TRIM11: variants seen among roughly 807,000 people sequenced by gnomAD.
The protein encoded by TRIM11 is tripartite motif containing 11, also known as E3 ubiquitin-protein ligase TRIM11.
In TRIM11, 15 loss-of-function variants were observed where a neutral mutation model predicts 33.4. The ratio of observed to expected loss-of-function variants is 0.45; its 90% CI spans 0.30 to 0.69. The LOEUF is 0.69. Among genes scored for constraint, TRIM11 ranks in the 30% least tolerant of loss-of-function variants. The probability of loss-of-function intolerance (pLI) is 0.08; values close to 1 mark genes in which losing one functional copy is unlikely to be tolerated. For synonymous variants in TRIM11, 281 were observed against 302.6 expected, an observed-to-expected ratio of 0.93 and a Z score of 0.74; for missense variants, 499 against 667.6, an observed-to-expected ratio of 0.75 and a Z score of 2.78.
intron 3 of TRIM11, among the ~76,000 whole-genome samples, chr1:228,398,962 T>C (rs1057204864): frequency 2.6e-5 from 4 of 151,992 alleles, no homozygotes; most frequent in African/African-American, 4.8e-5. Flanking sequence ...AGGGGCAGCA[T>C]TGACTTGAAC....
chr1:228,405,185 G>T (rs1656359325), intron 1 of TRIM11: 1 of 152,268 alleles, frequency 6.6e-6, no homozygotes, highest in Non-Finnish European at 1.5e-5. Flanking sequence ...ATCTGTGTCT[G>T]AACAAGCCCA....
In TRIM11 at chr1:228,400,811, A is replaced by G. The variant is rs1656182464; in HGVS notation, c.735+153T>C. ...TGTCCTGCTGCTGACTCAGCATTTCACAGGCAACAGCCAGGCACATCCAGC... is the reference window on the plus strand; with the variant it reads ...TGTCCTGCTGCTGACTCAGCATTTCGCAGGCAACAGCCAGGCACATCCAGC... On this transcript the variant is annotated intron_variant, in intron 3 of 5. Transcript: ENST00000284551. This position sits in a 1 kb window ranked among gnomAD's most constrained non-coding sequence, Gnocchi z 4.5. 6.6e-6 allele frequency among the ~76,000 whole-genome samples: 1 copy of G among 152,152 alleles called. No homozygotes were observed. Among genetic ancestry groups the G allele is most frequent in the Non-Finnish European group, 1.5e-5 (1 of 68,006 alleles).
In TRIM11 at chr1:228,400,815, G is replaced by C; in HGVS notation, c.735+149C>G. Reference sequence around the variant, plus strand: ...CTGCTGCTGACTCAGCATTTCACAGGCAACAGCCAGGCACATCCAGCCATG... The same window carrying C: ...CTGCTGCTGACTCAGCATTTCACAGCCAACAGCCAGGCACATCCAGCCATG... On this transcript the variant is annotated intron_variant, in intron 3 of 5. Coordinates refer to ENST00000284551, the MANE Select transcript of TRIM11 (RefSeq NM_145214.3). The surrounding 1 kb of genome is among the most constrained non-coding windows in gnomAD (Gnocchi z 4.5). The C allele has an allele frequency of 6.4e-6, 9 of 1,395,388 alleles. No individual in the cohort carries two copies. In the South Asian group the frequency reaches 1.4e-4, roughly 22 times the overall value. The allele number at this position is 1,395,388 out of a possible 1,614,324, so 86.4% of individuals were successfully genotyped here. A position where few individuals can be genotyped will look rare whatever the true frequency, so the allele number is the denominator to read the frequency against.
intron 1 of TRIM11, chr1:228,402,856 G>A (rs77569259): frequency 0.02 from 2,975 of 152,390 alleles, 39 homozygotes; most frequent in Middle Eastern, 0.044. Context: ...TAGACTTCCA[G>A]CCTCCAGAGC....
rs1279525353 is a variant in TRIM11 at position 228,401,801 on chromosome 1, C to T, written c.504+265G>A. Reference sequence around the variant, plus strand: ...ACCTCCAGGGCCCAGACCCTAAATACACCTGAGAGTTGCCACCCAAGCATG... The same window carrying T: ...ACCTCCAGGGCCCAGACCCTAAATATACCTGAGAGTTGCCACCCAAGCATG... On this transcript the variant is annotated intron_variant, in intron 2 of 5. Transcript: ENST00000284551. This position sits in a 1 kb window ranked among gnomAD's most constrained non-coding sequence, Gnocchi z 6.1. Among the ~76,000 whole-genome samples, 2 of 152,302 alleles carry T rather than the reference C, an allele frequency of 1.3e-5. No individual in the cohort carries two copies. Among genetic ancestry groups the T allele is most frequent in the South Asian group, 2.1e-4 (1 of 4,826 alleles).
intron 1 of TRIM11, 194 bp downstream of exon 1, chr1:228,405,960 G>T: frequency 1.8e-6 from 1 of 541,094 alleles, no homozygotes. Flanking sequence ...GTTGAAACAG[G>T]CTGTGTCATG....
At position 228,393,909 on chromosome 1, in the gene TRIM11, G is replaced by T. The variant is rs1243947435; in HGVS notation, c.*796C>A. 6.6e-6 allele frequency: 1 copy of T among 152,216 alleles called. No individual in the cohort carries two copies. The highest frequency in any genetic ancestry group is 1.5e-5 in the Non-Finnish European group (1 of 68,070). The allele number at this position is 152,216 out of a possible 1,614,324, so 9.4% of individuals were successfully genotyped here. ...GTGCACATCCCCAAGCAGCAGCTGG[G>T]ACCCTGGGTCCTGAGGGGCCACTGG... is the stretch of plus-strand genomic sequence containing the variant. On this transcript the variant is annotated 3_prime_UTR_variant, in exon 6 of 6. Transcript: ENST00000284551.
chr1:228,397,480 T>G, intron 3 of TRIM11: 1 of 399,358 alleles, frequency 2.5e-6, no homozygotes, highest in Non-Finnish European at 4.5e-6. Context: ...GAGCCCCAAG[T>G]GGGCGCCTCT....
intron 1 of TRIM11, chr1:228,405,152 CAAAGA>C (rs1400060108): frequency 6.6e-6 from 1 of 152,202 alleles, no homozygotes; most frequent in Admixed American, 6.5e-5. Context: ...CCTGCATGGG[CAAAGA>C]AAAGAAAACC....
Position 228,402,174 on chromosome 1 carries a change from C to T in TRIM11, c.409-13G>A, listed in dbSNP as rs768850212. 1 of 1,603,124 alleles carries T rather than the reference C, an allele frequency of 6.2e-7. No individual in the cohort carries two copies. The highest frequency in any genetic ancestry group is 1.3e-5 in the African/African-American group (1 of 74,596). ...TCTCCAGCTTCGCCTGCGGGAGAGG[C>T]CAGGCAGGACCATGAGACATGAGTC... On this transcript the variant is annotated splice_polypyrimidine_tract_variant and intron_variant, in intron 1 of 5. Coordinates refer to ENST00000284551, the MANE Select transcript of TRIM11 (RefSeq NM_145214.3).
intron 3 of TRIM11, 93 bp from the exon 4 acceptor site, chr1:228,397,258 CCT>C: frequency 6.8e-7 from 1 of 1,466,116 alleles, no homozygotes; most frequent in Non-Finnish European, 9.3e-7. Context: ...GCCCCGTCCC[CCT>C]CTCCTACATT....
In TRIM11 at chr1:228,406,744, G is replaced by A. The variant is rs1224582106; in HGVS notation, c.-183C>T. 1.9e-5 allele frequency: 9 copies of A among 474,800 alleles called. No individual in the cohort carries two copies. Among genetic ancestry groups the A allele is most frequent in the Non-Finnish European group, 2.7e-5 (8 of 298,910 alleles). 29.4% of individuals were successfully genotyped at this position (474,800 alleles called of 1,614,324 possible). On this transcript the variant is annotated 5_prime_UTR_variant, in exon 1 of 6. Transcript: ENST00000284551. This position sits in a 1 kb window ranked among gnomAD's most constrained non-coding sequence, Gnocchi z 8.2. ...CGGGGACTCCAGGGCGCAGGACTCT[G>A]GGTTTCGGTAGCGCTGGGCGCGTAG...
chr1:228,402,229 G>A (rs1016759881), intron 1 of TRIM11, 68 bp from the exon 2 acceptor site: 1 of 1,234,572 alleles, frequency 8.1e-7, no homozygotes, highest in Non-Finnish European at 1.1e-6. Flanking sequence ...TTTTGCACCT[G>A]ACACCCTGTC....
Position 228,395,349 on chromosome 1 carries a change from G to T in TRIM11, c.860-97C>A. On this transcript the variant is annotated intron_variant, in intron 5 of 5. Transcript: ENST00000284551. This position sits in a 1 kb window ranked among gnomAD's most constrained non-coding sequence, Gnocchi z 4.8. ...CATGTAGGTACAATCCTCCCAGTCG[G>T]ACGGCCTGGCTCTCTGCCCTGGGCC... 7.6e-7 allele frequency: 1 copy of T among 1,316,244 alleles called. No individual in the cohort carries two copies. Among genetic ancestry groups the T allele is most frequent in the Non-Finnish European group, 9.8e-7 (1 of 1,022,122 alleles). 81.5% of individuals were successfully genotyped at this position (1,316,244 alleles called of 1,614,324 possible).
At position 228,400,160 on chromosome 1, in the gene TRIM11, T is replaced by C. The variant is rs1458459092; in HGVS notation, c.735+804A>G. Reference sequence around the variant, plus strand: ...AATTGCCCAGGGGCCCATTTCCCTCTGAATCTTGGGGCCCCTTGAGTCTAC... The same window carrying C: ...AATTGCCCAGGGGCCCATTTCCCTCCGAATCTTGGGGCCCCTTGAGTCTAC... On this transcript the variant is annotated intron_variant, in intron 3 of 5. Coordinates refer to ENST00000284551, the MANE Select transcript of TRIM11 (RefSeq NM_145214.3). The surrounding 1 kb of genome is among the most constrained non-coding windows in gnomAD (Gnocchi z 4.5). 6.6e-6 allele frequency among the ~76,000 whole-genome samples: 1 copy of C among 151,094 alleles called. No homozygotes were observed. Among genetic ancestry groups the C allele is most frequent in the African/African-American group, 2.4e-5 (1 of 41,060 alleles).
chr1:228,397,118 C>T (rs112942682), intron 4 of TRIM11, 25 bp downstream of exon 4: 27 of 1,613,696 alleles, frequency 1.7e-5, no homozygotes, highest in African/African-American at 1.5e-4. Context: ...TCCTGCCCCC[C>T]CTCCAGGAGA....
rs114178025 is a variant in TRIM11, at chr1:228,397,494, T to G, written c.736-329A>C. The G allele has an allele frequency of 4.9e-3, 1,871 of 380,878 alleles. 29 individuals are homozygous for G. Among genetic ancestry groups the G allele is most frequent in the African/African-American group, 0.035 (1,721 of 48,994 alleles). The allele number at this position is 380,878 out of a possible 1,614,324, so 23.6% of individuals were successfully genotyped here. On this transcript the variant is annotated intron_variant, in intron 3 of 5. Transcript: ENST00000284551. Reference sequence around the variant, plus strand: ...AGAGCCCCAAGTGGGCGCCTCTGGGTGCCAAGGACAGGACAGGCACACATC... The same window carrying G: ...AGAGCCCCAAGTGGGCGCCTCTGGGGGCCAAGGACAGGACAGGCACACATC...
In TRIM11 at chr1:228,394,830, T is replaced by C. The variant is rs758331203; in HGVS notation, c.1282A>G (p.Ile428Val). The change falls in exon 6 of 6, where the codon ATC becomes GTC. Residue 428 changes from isoleucine (I) to valine (V), a missense_variant. By Grantham distance (29) the Ile-to-Val change is conservative. Transcript: ENST00000284551. This position sits in a 1 kb window ranked among gnomAD's most constrained non-coding sequence, Gnocchi z 6.2. ...YSATDGSLLF[I>V]FPEIPFSGTL... is the part of the protein sequence containing the mutation. Reference sequence around the variant, plus strand: ...CCCGAGAAGGGGATCTCGGGAAAGATGAATAGCAGTGACCCATCGGTGGCA... The same window carrying C: ...CCCGAGAAGGGGATCTCGGGAAAGACGAATAGCAGTGACCCATCGGTGGCA... 1.2e-6 allele frequency: 2 copies of C among 1,613,188 alleles called. No individual in the cohort carries two copies. The highest frequency in any genetic ancestry group is 3.3e-5 in the Admixed American group (2 of 59,972).
chr1:228,406,191 C>T lies in TRIM11; in HGVS notation c.371G>A (p.Arg124His), dbSNP rs1656409453. The part of the protein sequence containing the change: ...CERSGEHWAH[R>H]VRPLQDAAED... ...GGCCGCGTCCTGCAGCGGCCGCACG[C>T]GGTGCGCCCAGTGCTCCCCAGAGCG... Residue 124 changes from arginine to histidine, a missense_variant, in exon 1 of 6, where the codon CGC (arginine) becomes CAC (histidine). Arg to His is a conservative substitution (Grantham distance 29). Transcript: ENST00000284551. This position sits in a 1 kb window ranked among gnomAD's most constrained non-coding sequence, Gnocchi z 8.2. The T allele has an allele frequency of 6.9e-7, 1 of 1,439,564 alleles. No individual in the cohort carries two copies. The highest frequency in any genetic ancestry group is 1.4e-5 in the South Asian group (1 of 72,562). The allele number at this position is 1,439,564 out of a possible 1,614,324, so 89.2% of individuals were successfully genotyped here. A position where few individuals can be genotyped will look rare whatever the true frequency, so the allele number is the denominator to read the frequency against.
Sources: gnomAD v4.1 joint callset for allele counts (sites outside exome capture counted in the v4.1 genomes callset) on GRCh38, gnomAD v4.1.1 for gene constraint, Gnocchi (gnomAD v3.1) non-coding constraint, MANE v1.5 for transcripts, NCBI Gene and HGNC (gene_info 2026-07-23, HGNC 2026-07-21) for gene names.